The following PDGFD variants were observed in gnomAD, a reference collection of about 807,000 sequenced individuals.
PDGFD encodes platelet-derived growth factor D.
PDGFD carries 30 observed loss-of-function variants against 44.7 expected under a neutral mutation model. That is an observed-to-expected ratio of 0.67 (90% CI 0.50 to 0.91). The LOEUF (loss-of-function observed/expected upper bound fraction) is 0.91. PDGFD is among the 40% of genes least tolerant of loss of function. The pLI, the probability that PDGFD is intolerant of heterozygous loss-of-function variation, is 0.00. For synonymous variants in PDGFD, 173 were observed against 168.4 expected (o/e 1.03, Z -0.21); for missense variants, 445 against 457.8 (o/e 0.97, Z 0.25).
rs550573613 is a variant in PDGFD, at chr11:104,004,971, C to A, written c.125-4716G>T. On this transcript the variant is annotated intron_variant, in intron 1 of 6. Coordinates refer to ENST00000393158, the MANE Select transcript of PDGFD (RefSeq NM_025208.5). Reference sequence around the variant, plus strand: ...TTGGCACACTGCAACCTCCGCCTCCCGGGTTCAAGCAAGTCTCCTGCCTCA... The same window carrying A: ...TTGGCACACTGCAACCTCCGCCTCCAGGGTTCAAGCAAGTCTCCTGCCTCA... Among the ~76,000 whole-genome samples the A allele has an allele frequency of 2.0e-5, 3 of 150,620 alleles. No homozygotes were observed. In the South Asian group the frequency reaches 6.4e-4, roughly 32 times the overall value.
At chr11:104,038,125 T>A in intron 1 of PDGFD, 1 of 1,129,174 alleles carries the variant, frequency 8.9e-7, no homozygotes, top group Non-Finnish European at 1.2e-6. Context: ...CAACTAAACC[T>A]GGCCTTGGGA....
chr11:104,031,840 G>T lies in PDGFD; in HGVS notation c.125-31585C>A, dbSNP rs375056305. Among the ~76,000 whole-genome samples the T allele has an allele frequency of 8.5e-5, 13 of 152,282 alleles. No homozygotes were observed. The East Asian group carries it at 1.9e-3, about 23-fold the overall frequency. On this transcript the variant is annotated intron_variant, in intron 1 of 6. Transcript: ENST00000393158. ...AAAAAAGAATGAGATCATGTCCTTT[G>T]CAGGGACATGGATGAATATGGAAGC...
At chr11:103,919,710 C>G (rs540673) in intron 6 of PDGFD, among the ~76,000 whole-genome samples, 3 of 151,486 alleles carry the variant, frequency 2.0e-5, no homozygotes, top group African/African-American at 7.3e-5. Flanking sequence ...GGTTTCCCCA[C>G]GTTGGCCAGG....
At chr11:104,107,883 T>G (rs1254310962) in intron 1 of PDGFD, among the ~76,000 whole-genome samples, 1 of 152,190 alleles carries the variant, frequency 6.6e-6, no homozygotes, top group Non-Finnish European at 1.5e-5. Context: ...TTATTATTAA[T>G]GTCATTGCTA....
At chr11:103,946,265 A>C (rs962880457) in intron 4 of PDGFD, among the ~76,000 whole-genome samples, 14 of 152,230 alleles carry the variant, frequency 9.2e-5, no homozygotes, top group Admixed American at 8.5e-4. Context: ...AAGTTCTTGA[A>C]CAATGGAGTG....
At chr11:104,158,239 GA>G (rs1862336514) in intron 1 of PDGFD, among the ~76,000 whole-genome samples, 1 of 152,232 alleles carries the variant, frequency 6.6e-6, no homozygotes, top group South Asian at 2.1e-4. Context: ...ATGTGAAGAA[GA>G]AGTGTGATAA....
intron 1 of PDGFD, among the ~76,000 whole-genome samples, chr11:104,097,560 G>T (rs1861304873): frequency 6.6e-6 from 1 of 152,104 alleles, no homozygotes; most frequent in Non-Finnish European, 1.5e-5. Flanking sequence ...TTAGGATCCA[G>T]CCCTCAAATG....
At chr11:104,158,649 G>A (rs1017884839) in intron 1 of PDGFD, among the ~76,000 whole-genome samples, 5 of 151,766 alleles carry the variant, frequency 3.3e-5, no homozygotes, top group Admixed American at 6.6e-5. Context: ...TGGCTAACAC[G>A]GTGAAACCCC....
intron 1 of PDGFD, among the ~76,000 whole-genome samples, chr11:104,013,450 G>A (rs1859813688): frequency 6.6e-6 from 1 of 152,066 alleles, no homozygotes; most frequent in Non-Finnish European, 1.5e-5. Context: ...TGTGTGGCTG[G>A]AGCCCAAAAG....
chr11:104,159,046 G>A (rs1213086222), intron 1 of PDGFD, among the ~76,000 whole-genome samples: 2 of 151,002 alleles, frequency 1.3e-5, no homozygotes, highest in Admixed American at 6.6e-5. Flanking sequence ...CCAGCTACTC[G>A]GGAGGCTGAG....
chr11:104,087,021 CTTTTTTTTT>C lies in PDGFD; in HGVS notation c.124+76774_124+76782del, dbSNP rs528848924. Among the ~76,000 whole-genome samples the C allele has an allele frequency of 5.6e-4, 58 of 103,204 alleles. 1 individual carries two copies. Among genetic ancestry groups the C allele is most frequent in the South Asian group, 1.5e-3 (4 of 2,666 alleles). 67.7% of individuals were successfully genotyped at this position (103,204 alleles called of 152,430 possible). Reference sequence around the variant, plus strand: ...TCCCTCTTGTACCTAGGCTCTTAGTCTTTTTTTTTTTTTTTTTTTTTTTTTGACAGAGTC... The same window carrying C: ...TCCCTCTTGTACCTAGGCTCTTAGTCTTTTTTTTTTTTTTTTGACAGAGTC... On this transcript the variant is annotated intron_variant, in intron 1 of 6. Coordinates refer to ENST00000393158, the MANE Select transcript of PDGFD (RefSeq NM_025208.5).
intron 3 of PDGFD, among the ~76,000 whole-genome samples, chr11:103,985,345 G>A (rs1044931735): frequency 4.0e-5 from 6 of 150,744 alleles, no homozygotes; most frequent in South Asian, 4.2e-4. Flanking sequence ...GACTACAGGC[G>A]TGCACCACCA....
rs183693747 is a variant in PDGFD, at chr11:103,914,035, T to G, written c.988-4216A>C. Among the ~76,000 whole-genome samples the G allele has an allele frequency of 2.4e-3, 364 of 152,262 alleles. 2 individuals are homozygous for G. The highest frequency in any genetic ancestry group is 8.1e-3 in the African/African-American group (336 of 41,552). ...AGTAGGGGTCAGGGGGCAACTTGCC[T>G]CTAATGGACAAGGGCCCTGAGCTTT... is the stretch of plus-strand genomic sequence containing the variant. On this transcript the variant is annotated intron_variant, in intron 6 of 6. Transcript: ENST00000393158.
chr11:104,063,118 C>T (rs1256270173), intron 1 of PDGFD, among the ~76,000 whole-genome samples: 1 of 152,068 alleles, frequency 6.6e-6, no homozygotes, highest in East Asian at 1.9e-4. Context: ...CTAAATAGTA[C>T]AGAATGAGGA....
In PDGFD at chr11:104,034,645, CTT is replaced by C. The variant is rs35283366; in HGVS notation, c.125-34392_125-34391del. On this transcript the variant is annotated intron_variant, in intron 1 of 6. Coordinates refer to ENST00000393158, the MANE Select transcript of PDGFD (RefSeq NM_025208.5). ...CATGAGCTCTGCACAGTGCAAAACA[CTT>C]TTTTTTTTTTTTTGAGATGGAGTCT... Among the ~76,000 whole-genome samples, 1,235 of 143,704 alleles carry C rather than the reference CTT, an allele frequency of 8.6e-3. 17 individuals carry two copies. Among genetic ancestry groups the C allele is most frequent in the African/African-American group, 0.028 (1,083 of 39,164 alleles). The allele number at this position is 143,704 out of a possible 152,430, so 94.3% of individuals were successfully genotyped here.
At chr11:104,123,946 A>C (rs192160526) in intron 1 of PDGFD, among the ~76,000 whole-genome samples, 24 of 152,136 alleles carry the variant, frequency 1.6e-4, no homozygotes, top group African/African-American at 5.1e-4. Context: ...GGTATGAAAC[A>C]CAGAAGGAAG....
intron 1 of PDGFD, among the ~76,000 whole-genome samples, chr11:104,077,166 G>A (rs1017920346): frequency 6.6e-6 from 1 of 152,116 alleles, no homozygotes; most frequent in African/African-American, 2.4e-5. Context: ...CTACACAGTG[G>A]ATTGCTGGAG....
At chr11:103,931,067 G>A (rs930302833) in intron 5 of PDGFD, among the ~76,000 whole-genome samples, 2 of 152,140 alleles carry the variant, frequency 1.3e-5, no homozygotes, top group African/African-American at 4.8e-5. Flanking sequence ...GGATCCTAAA[G>A]ATTCTAGTTT....
rs187439359 is a variant in PDGFD at position 104,126,875 on chromosome 11, G to A, written c.124+36929C>T. On this transcript the variant is annotated intron_variant, in intron 1 of 6. Coordinates refer to ENST00000393158, the MANE Select transcript of PDGFD (RefSeq NM_025208.5). The stretch of plus-strand genomic sequence containing the variant: ...TTAGAAAAAAAAATCCTTTACAAGC[G>A]ATGATACCCTCAGAGTAAAAAATTA... 3.3e-3 allele frequency among the ~76,000 whole-genome samples: 502 copies of A among 152,002 alleles called. 4 individuals carry two copies. Among genetic ancestry groups the A allele is most frequent in the South Asian group, 0.02 (96 of 4,820 alleles).
Sources: allele counts gnomAD v4.1 joint callset (sites outside exome capture counted in the v4.1 genomes callset), GRCh38; gene constraint gnomAD v4.1.1; transcripts MANE v1.5; gene names NCBI Gene and HGNC (gene_info 2026-07-23, HGNC 2026-07-21).